The following OR4C11 variants were observed in gnomAD, a reference collection of about 807,000 sequenced individuals.
The protein encoded by OR4C11 is olfactory receptor family 4 subfamily C member 11.
Under a neutral mutation model 14.7 loss-of-function variants are expected in OR4C11, and 15 were observed. The ratio of observed to expected loss-of-function variants is 1.02; its 90% CI spans 0.68 to 1.58. The LOEUF is 1.58. Ranked by LOEUF, OR4C11 falls within the 40% of genes most tolerant of loss-of-function variation. The pLI is 0.00. For synonymous variants in OR4C11, 146 were observed against 135.0 expected (o/e 1.08, Z -0.57); for missense variants, 473 against 383.0 (o/e 1.24, Z -1.96).
rs755202486 is a variant in OR4C11 at position 55,603,636 on chromosome 11, G to A, written c.738C>T (p.Ile246=). ...TGAATATACATGGGCCAAAGAATAAGATGACTACAATTATGTGAGACGTGC... is the reference window on the plus strand; with the variant it reads ...TGAATATACATGGGCCAAAGAATAAAATGACTACAATTATGTGAGACGTGC... ...SACTSHIIVV[I]LFFGPCIFIY... Residue 246 remains isoleucine (I), a synonymous_variant, in exon 4 of 4, where the codon ATC becomes ATT. Transcript: ENST00000641580. 1.3e-6 allele frequency: 2 copies of A among 1,486,644 alleles called. No homozygotes were observed. The highest frequency in any genetic ancestry group is 9.2e-7 in the Non-Finnish European group (1 of 1,092,204). 92.1% of individuals were successfully genotyped at this position (1,486,644 alleles called of 1,614,324 possible). A position where few individuals can be genotyped will look rare whatever the true frequency, so the allele number is the denominator to read the frequency against.
chr11:55,604,566 T>C lies in OR4C11; in HGVS notation c.-44-149A>G, dbSNP rs1372198406. ...GAATTCATAGTAACTATTCAATATATTTACCAAAATATTATTATTATTATT... is the reference window on the plus strand; with the variant it reads ...GAATTCATAGTAACTATTCAATATACTTACCAAAATATTATTATTATTATT... On this transcript the variant is annotated intron_variant, in intron 3 of 3. Transcript: ENST00000641580. The C allele has an allele frequency of 4.6e-5, 16 of 348,380 alleles. 2 individuals carry two copies. The Admixed American group carries it at 6.0e-4, about 13-fold the overall frequency. 21.6% of individuals were successfully genotyped at this position (348,380 alleles called of 1,614,324 possible).
Position 55,604,559 on chromosome 11 carries a change from C to A in OR4C11, c.-44-142G>T, listed in dbSNP as rs1159795186. 5.0e-5 allele frequency: 18 copies of A among 357,954 alleles called. 1 individual carries two copies. The highest frequency in any genetic ancestry group is 8.4e-5 in the Non-Finnish European group (17 of 203,462). The allele number at this position is 357,954 out of a possible 1,614,324, so 22.2% of individuals were successfully genotyped here. On this transcript the variant is annotated intron_variant, in intron 3 of 3. Coordinates refer to ENST00000641580, the MANE Select transcript of OR4C11 (RefSeq NM_001004700.3). ...TGAAATGGAATTCATAGTAACTATT[C>A]AATATATTTACCAAAATATTATTAT...
At chr11:55,605,032 A>T (rs1857942436) in intron 3 of OR4C11, 94 bp downstream of exon 3, 1 of 138,506 alleles carries the variant, frequency 7.2e-6, no homozygotes, top group African/African-American at 2.5e-5. Flanking sequence ...TAAACATAAA[A>T]TTTTTGCAAT....
At chr11:55,606,827 G>T (rs1267337515) in intron 1 of OR4C11, 148 bp from the exon 2 acceptor site, 1 of 138,574 alleles carries the variant, frequency 7.2e-6, no homozygotes, top group Non-Finnish European at 1.6e-5. Flanking sequence ...ACACACACAT[G>T]CATGTATCTC....
intron 3 of OR4C11, among the ~76,000 whole-genome samples, chr11:55,604,720 A>G (rs1857938684): frequency 7.2e-6 from 1 of 138,306 alleles, no homozygotes; most frequent in South Asian, 2.3e-4. Context: ...CAAAGTAAAC[A>G]TTAATTTAGG....
In OR4C11 at chr11:55,603,498, C is replaced by A; in HGVS notation, c.876G>T (p.Val292=). Residue 292 remains valine, a synonymous_variant, in exon 4 of 4, where the codon GTG becomes GTT. Transcript: ENST00000641580. ...GCCATAACTTTCTCATGGCATTTTT[C>A]ACTTCTGCATTCCTCAGTGTGTAGA... ...PLIYTLRNAE[V]KNAMRKLWHG... is the part of the protein sequence containing the mutation. The A allele has an allele frequency of 6.8e-7, 1 of 1,468,672 alleles. No homozygotes were observed. The highest frequency in any genetic ancestry group is 9.2e-7 in the Non-Finnish European group (1 of 1,086,468). The allele number at this position is 1,468,672 out of a possible 1,614,324, so 91.0% of individuals were successfully genotyped here. A position where few individuals can be genotyped will look rare whatever the true frequency, so the allele number is the denominator to read the frequency against.
rs1590780752 is a variant in OR4C11 at position 55,604,102 on chromosome 11, G to T, written c.272C>A (p.Thr91Asn). The T allele has an allele frequency of 3.4e-6, 5 of 1,484,264 alleles. 1 individual carries two copies. The highest frequency in any genetic ancestry group is 2.6e-5 in the East Asian group (1 of 38,718). 91.9% of individuals were successfully genotyped at this position (1,484,264 alleles called of 1,614,324 possible). A position where few individuals can be genotyped will look rare whatever the true frequency, so the allele number is the denominator to read the frequency against. ...VDALSEKKII[T>N]YNECMTQVFA... ...GACTTGTGTCATGCACTCATTGTAG[G>T]TTATAATTTTCTTTTCAGAGAGAGC... Residue 91 changes from threonine to asparagine, a missense_variant, in exon 4 of 4, where the codon ACC becomes AAC. By Grantham distance (65) the Thr-to-Asn change is moderately conservative. Coordinates refer to ENST00000641580, the MANE Select transcript of OR4C11 (RefSeq NM_001004700.3).
Position 55,603,294 on chromosome 11 carries a change from CT to C in OR4C11, c.*146del. On this transcript the variant is annotated 3_prime_UTR_variant, in exon 4 of 4. Transcript: ENST00000641580. ...GACAATGTCTTGGTAGTCACAACTC[CT>C]GTTAACTAGAAAACATAGGAACCCA... The C allele has an allele frequency of 2.0e-6, 1 of 490,562 alleles. No homozygotes were observed. The highest frequency in any genetic ancestry group is 3.5e-6 in the Non-Finnish European group (1 of 283,350). The allele number at this position is 490,562 out of a possible 1,614,324, so 30.4% of individuals were successfully genotyped here. A position where few individuals can be genotyped will look rare whatever the true frequency, so the allele number is the denominator to read the frequency against.
At position 55,603,623 on chromosome 11, in the gene OR4C11, G is replaced by A; in HGVS notation, c.751C>T (p.Pro251Ser). ...GGGCGTGTATATATGAATATACATG[G>A]GCCAAAGAATAAGATGACTACAATT... ...HIIVVILFFG[P>S]CIFIYTRPPT... Residue 251 changes from proline to serine, a missense_variant, in exon 4 of 4, where the codon CCA becomes TCA. Pro to Ser is a moderately conservative substitution (Grantham distance 74, BLOSUM62 -1). Transcript: ENST00000641580. 1.3e-6 allele frequency: 2 copies of A among 1,485,776 alleles called. 1 individual carries two copies. Among genetic ancestry groups the A allele is most frequent in the East Asian group, 5.2e-5 (2 of 38,716 alleles). 92.0% of individuals were successfully genotyped at this position (1,485,776 alleles called of 1,614,324 possible). A position where few individuals can be genotyped will look rare whatever the true frequency, so the allele number is the denominator to read the frequency against.
chr11:55,604,070 G>T lies in OR4C11; in HGVS notation c.304C>A (p.Leu102Ile). Residue 102 changes from leucine to isoleucine, a missense_variant, in exon 4 of 4, where the codon CTA becomes ATA. Leu to Ile is a conservative substitution (Grantham distance 5). Coordinates refer to ENST00000641580, the MANE Select transcript of OR4C11 (RefSeq NM_001004700.3). The stretch of plus-strand genomic sequence containing the variant: ...ATCTCCATGCAGCCAAATAAATGTA[G>T]TGCAAAGACTTGTGTCATGCACTCA... ...YNECMTQVFALHLFGCMEIFV... is the reference protein window; with the variant it reads ...YNECMTQVFAIHLFGCMEIFV... 6.7e-7 allele frequency: 1 copy of T among 1,488,216 alleles called. No individual in the cohort carries two copies. Among genetic ancestry groups the T allele is most frequent in the Non-Finnish European group, 9.1e-7 (1 of 1,093,398 alleles). The allele number at this position is 1,488,216 out of a possible 1,614,324, so 92.2% of individuals were successfully genotyped here. A position where few individuals can be genotyped will look rare whatever the true frequency, so the allele number is the denominator to read the frequency against.
chr11:55,603,727 T>C lies in OR4C11; in HGVS notation c.647A>G (p.Tyr216Cys). The change falls in exon 4 of 4, where the codon TAT becomes TGT. Residue 216 changes from tyrosine (Y) to cysteine (C), a missense_variant. By Grantham distance (194) the Tyr-to-Cys change is radical. Coordinates refer to ENST00000641580, the MANE Select transcript of OR4C11 (RefSeq NM_001004700.3). ...TCTCAGTGAATGCAAGATGACAATA[T>C]ATGAAATTATCAAAATCATGAAACT... is the stretch of plus-strand genomic sequence containing the variant. ...SSSFMILIIS[Y>C]IVILHSLRNH... is the part of the protein sequence containing the mutation. 1 of 1,491,512 alleles carries C rather than the reference T, an allele frequency of 6.7e-7. No individual in the cohort carries two copies. Among genetic ancestry groups the C allele is most frequent in the Non-Finnish European group, 9.1e-7 (1 of 1,096,416 alleles). 92.4% of individuals were successfully genotyped at this position (1,491,512 alleles called of 1,614,324 possible). A position where few individuals can be genotyped will look rare whatever the true frequency, so the allele number is the denominator to read the frequency against.
Position 55,603,642 on chromosome 11 carries a change from T to C in OR4C11, c.732A>G (p.Val244=), listed in dbSNP as rs748360939. ...TACATGGGCCAAAGAATAAGATGAC[T>C]ACAATTATGTGAGACGTGCAAGCGG... is the stretch of plus-strand genomic sequence containing the variant. ...ALSACTSHII[V]VILFFGPCIF... is the part of the protein sequence containing the mutation. The change falls in exon 4 of 4, where the codon GTA becomes GTG. Residue 244 remains valine, a synonymous_variant. Transcript: ENST00000641580. The C allele has an allele frequency of 2.7e-6, 4 of 1,485,286 alleles. 1 individual carries two copies. Among genetic ancestry groups the C allele is most frequent in the Admixed American group, 2.0e-5 (1 of 49,776 alleles). The allele number at this position is 1,485,286 out of a possible 1,614,324, so 92.0% of individuals were successfully genotyped here.
Position 55,604,368 on chromosome 11 carries a change from C to T in OR4C11, c.6G>A (p.Gln2=), listed in dbSNP as rs1186719419. 23 of 1,294,628 alleles carry T rather than the reference C, an allele frequency of 1.8e-5. 4 individuals carry two copies. The highest frequency in any genetic ancestry group is 4.2e-4 in the Middle Eastern group (2 of 4,706). The allele number at this position is 1,294,628 out of a possible 1,614,324, so 80.2% of individuals were successfully genotyped here. The change falls in exon 4 of 4, where the codon CAG becomes CAA. Residue 2 remains glutamine, a synonymous_variant. Transcript: ENST00000641580. ...TGAATTCAGGCACACTGTTATTTTG[C>T]TGCATTGTTTCAGTTGATGTGAAGA... The part of the protein sequence containing the change: M[Q]QNNSVPEFIL...
chr11:55,605,663 G>A (rs1196252617), intron 2 of OR4C11, among the ~76,000 whole-genome samples: 1 of 138,110 alleles, frequency 7.2e-6, no homozygotes, highest in Non-Finnish European at 1.6e-5. Context: ...TTTTTAAAAT[G>A]TAAATTGATT....
chr11:55,604,164 G>C lies in OR4C11; in HGVS notation c.210C>G (p.Cys70Trp). Residue 70 changes from cysteine (C) to tryptophan (W), a missense_variant, in exon 4 of 4, where the codon TGC becomes TGG. By Grantham distance (215) the Cys-to-Trp change is radical. Transcript: ENST00000641580. ...ATCTAGGGGCTGTGGAAGTTGAAAA[G>C]CAAGAATCTGCAAAGGACAAATAAA... ...FLFYLSFADS[C>W]FSTSTAPRLI... The C allele has an allele frequency of 1.4e-6, 2 of 1,469,488 alleles. No homozygotes were observed. The allele number at this position is 1,469,488 out of a possible 1,614,324, so 91.0% of individuals were successfully genotyped here. A position where few individuals can be genotyped will look rare whatever the true frequency, so the allele number is the denominator to read the frequency against.
chr11:55,605,935 G>C (rs1857954597), intron 2 of OR4C11, among the ~76,000 whole-genome samples: 1 of 138,702 alleles, frequency 7.2e-6, no homozygotes, highest in South Asian at 2.4e-4. Context: ...CTTTTGGTGG[G>C]AATGTAAGTG....
In OR4C11 at chr11:55,606,281, T is replaced by G. The variant is rs550277175; in HGVS notation, c.-207+241A>C. Among the ~76,000 whole-genome samples, 9 of 138,170 alleles carry G rather than the reference T, an allele frequency of 6.5e-5. 2 individuals are homozygous for G. Among genetic ancestry groups the G allele is most frequent in the Admixed American group, 1.6e-4 (2 of 12,678 alleles). The allele number at this position is 138,170 out of a possible 152,430, so 90.6% of individuals were successfully genotyped here. ...TGAAATGTAAGAGATTAATATTGCA[T>G]GCTTAGAATTGTAACATTTTCCTTA... On this transcript the variant is annotated intron_variant, in intron 2 of 3. Coordinates refer to ENST00000641580, the MANE Select transcript of OR4C11 (RefSeq NM_001004700.3).
rs1565065413 is a variant in OR4C11 at position 55,606,408 on chromosome 11, AT to A, written c.-207+113del. 2.2e-5 allele frequency: 3 copies of A among 138,870 alleles called. 1 individual carries two copies. Among genetic ancestry groups the A allele is most frequent in the Non-Finnish European group, 4.8e-5 (3 of 62,288 alleles). The allele number at this position is 138,870 out of a possible 1,614,324, so 8.6% of individuals were successfully genotyped here. ...TAATGACTCTGAGCGGGGAAATTGC[AT>A]TCTTGGCATTAGACATGGGAGAAAT... On this transcript the variant is annotated intron_variant, in intron 2 of 3. Coordinates refer to ENST00000641580, the MANE Select transcript of OR4C11 (RefSeq NM_001004700.3).
rs1268434769 is a variant in OR4C11 at position 55,603,963 on chromosome 11, C to A, written c.411G>T (p.Gln137His). The A allele has an allele frequency of 6.7e-7, 1 of 1,490,104 alleles. No homozygotes were observed. Among genetic ancestry groups the A allele is most frequent in the East Asian group, 2.6e-5 (1 of 38,742 alleles). The allele number at this position is 1,490,104 out of a possible 1,614,324, so 92.3% of individuals were successfully genotyped here. ...PLRYPTIMSQQVCIILIVLAW... is the reference protein window; with the variant it reads ...PLRYPTIMSQHVCIILIVLAW... ...CAAGAACAATCAGGATGATGCAGAC[C>A]TGCTGGCTCATGATGGTTGGGTAAC... The change falls in exon 4 of 4, where the codon CAG becomes CAT. Residue 137 changes from glutamine (Q) to histidine (H), a missense_variant. Physicochemically the swap from Gln to His is conservative, Grantham distance 24. Coordinates refer to ENST00000641580, the MANE Select transcript of OR4C11 (RefSeq NM_001004700.3).
Sources: gnomAD v4.1 joint callset for allele counts (sites outside exome capture counted in the v4.1 genomes callset) on GRCh38, gnomAD v4.1.1 for gene constraint, MANE v1.5 for transcripts, NCBI Gene and HGNC (gene_info 2026-07-23, HGNC 2026-07-21) for gene names.